Variants in PRKCA observed in about 807,000 individuals in gnomAD.
PRKCA encodes the protein protein kinase C alpha.
Under a neutral mutation model 87.0 loss-of-function variants are expected in PRKCA, and 27 were observed. The observed-to-expected ratio is 0.31, with a 90% CI of 0.23 to 0.43. The LOEUF is 0.43. Ranked by LOEUF, PRKCA falls within the 20% of genes least tolerant of loss-of-function variation. PRKCA has a pLI of 1.00. For missense variants in PRKCA, 518 were observed against 852.3 expected (o/e 0.61, Z 4.88); for synonymous variants, 329 against 311.1 (o/e 1.06, Z -0.61).
intron 8 of PRKCA, among the ~76,000 whole-genome samples, chr17:66,714,709 A>G (rs2144138275): frequency 6.6e-6 from 1 of 152,298 alleles, no homozygotes; most frequent in South Asian, 2.1e-4. Flanking sequence ...GGGAGTGTTG[A>G]CCCATTTTAC....
intron 2 of PRKCA, among the ~76,000 whole-genome samples, chr17:66,450,842 G>T (rs1371259707): frequency 6.6e-6 from 1 of 152,164 alleles, no homozygotes; most frequent in African/African-American, 2.4e-5. Flanking sequence ...TTTTAAAACC[G>T]CTAACTGATG....
intron 13 of PRKCA, among the ~76,000 whole-genome samples, chr17:66,751,852 T>C (rs1214749400): frequency 6.6e-6 from 1 of 152,122 alleles, no homozygotes; most frequent in Non-Finnish European, 1.5e-5. Context: ...ACATCTTCCA[T>C]AGCCAGAGCA....
chr17:66,625,610 T>G (rs558207885), intron 3 of PRKCA, among the ~76,000 whole-genome samples: 1 of 152,350 alleles, frequency 6.6e-6, no homozygotes, highest in South Asian at 2.1e-4. Context: ...CTTTTTCCTG[T>G]CCTCAGGGGA....
chr17:66,486,661 C>T (rs1916000555), intron 2 of PRKCA, among the ~76,000 whole-genome samples: 1 of 152,100 alleles, frequency 6.6e-6, no homozygotes, highest in Non-Finnish European at 1.5e-5. Flanking sequence ...ACCATGAAGA[C>T]ATCTCTCATG....
At chr17:66,499,414 G>A (rs1013510715) in intron 3 of PRKCA, among the ~76,000 whole-genome samples, 3 of 152,170 alleles carry the variant, frequency 2.0e-5, no homozygotes, top group Non-Finnish European at 4.4e-5. Context: ...AATTCTCTAC[G>A]TTGCTGAAAC....
chr17:66,539,076 T>C (rs1481756537), intron 3 of PRKCA, among the ~76,000 whole-genome samples: 4 of 152,208 alleles, frequency 2.6e-5, no homozygotes, highest in Non-Finnish European at 4.4e-5. Flanking sequence ...TTACCAAAGC[T>C]CATCTGTTCA....
intron 3 of PRKCA, among the ~76,000 whole-genome samples, chr17:66,543,605 A>G (rs1968056479): frequency 6.6e-6 from 1 of 152,224 alleles, no homozygotes; most frequent in Non-Finnish European, 1.5e-5. Flanking sequence ...TTGACCATGC[A>G]GAAATCTGTC....
intron 3 of PRKCA, among the ~76,000 whole-genome samples, chr17:66,563,007 ATC>A (rs1968763949): frequency 6.6e-6 from 1 of 151,472 alleles, no homozygotes; most frequent in African/African-American, 2.4e-5. Flanking sequence ...CAGCTATTTC[ATC>A]CTGTTAGCTT....
At chr17:66,341,276 T>C (rs1445603807) in intron 2 of PRKCA, among the ~76,000 whole-genome samples, 1 of 152,164 alleles carries the variant, frequency 6.6e-6, no homozygotes, top group African/African-American at 2.4e-5. Context: ...AGACAGTAAA[T>C]ATTAAGTAAG....
intron 2 of PRKCA, among the ~76,000 whole-genome samples, chr17:66,380,745 A>G (rs1439904260): frequency 2.0e-5 from 3 of 152,144 alleles, no homozygotes; most frequent in South Asian, 2.1e-4. Flanking sequence ...CAGAAAAGCA[A>G]TTGTAGAACT....
At chr17:66,608,144 G>C (rs907551186) in intron 3 of PRKCA, among the ~76,000 whole-genome samples, 1 of 151,346 alleles carries the variant, frequency 6.6e-6, no homozygotes. Flanking sequence ...GGAGCACACC[G>C]ATTGGAGCAC....
At chr17:66,572,967 AC>A (rs1567906839) in intron 3 of PRKCA, among the ~76,000 whole-genome samples, 1 of 152,140 alleles carries the variant, frequency 6.6e-6, no homozygotes, top group Non-Finnish European at 1.5e-5. Flanking sequence ...CTGAAGAATT[AC>A]ATCTGCTTCC....
At chr17:66,594,235 T>A (rs1176455726) in intron 3 of PRKCA, among the ~76,000 whole-genome samples, 1 of 152,214 alleles carries the variant, frequency 6.6e-6, no homozygotes, top group Non-Finnish European at 1.5e-5. Context: ...GAAGAAGATC[T>A]TGGATCCCCA....
intron 8 of PRKCA, among the ~76,000 whole-genome samples, chr17:66,715,699 G>A (rs8069926): frequency 0.28 from 43,055 of 152,006 alleles, 6,336 homozygotes; most frequent in African/African-American, 0.32. Context: ...TGGCACTTAC[G>A]TGAGTGATTC....
chr17:66,542,177 G>C (rs1968008685), intron 3 of PRKCA, among the ~76,000 whole-genome samples: 1 of 152,202 alleles, frequency 6.6e-6, no homozygotes, highest in African/African-American at 2.4e-5. Context: ...AATTATTACA[G>C]AGAGGCCTTA....
intron 2 of PRKCA, among the ~76,000 whole-genome samples, chr17:66,348,853 T>G (rs1171026357): frequency 6.6e-6 from 1 of 152,188 alleles, no homozygotes; most frequent in East Asian, 1.9e-4. Flanking sequence ...AAAATTACTC[T>G]CAGCTTTAGT....
intron 2 of PRKCA, among the ~76,000 whole-genome samples, chr17:66,336,661 C>G (rs1325808269): frequency 1.5e-5 from 2 of 131,576 alleles, no homozygotes; most frequent in African/African-American, 8.1e-5. Flanking sequence ...AAACATTTGC[C>G]TATATAGTAA....
intron 2 of PRKCA, among the ~76,000 whole-genome samples, chr17:66,437,553 G>A (rs143146590): frequency 1.3e-5 from 2 of 152,080 alleles, no homozygotes; most frequent in East Asian, 3.9e-4. Flanking sequence ...TTTTCTCACT[G>A]ACAGATAGGG....
chr17:66,643,424 GT>G (rs1445503664), intron 4 of PRKCA, among the ~76,000 whole-genome samples: 2 of 152,220 alleles, frequency 1.3e-5, no homozygotes, highest in East Asian at 3.8e-4. Context: ...AGTTGTGTTT[GT>G]ATCAGAGGGC....
Sources: gnomAD v4.1 joint callset for allele counts (sites outside exome capture counted in the v4.1 genomes callset) on GRCh38, gnomAD v4.1.1 for gene constraint, MANE v1.5 for transcripts, NCBI Gene and HGNC (gene_info 2026-07-23, HGNC 2026-07-21) for gene names.